Variants in ZFHX3 observed in about 807,000 individuals in gnomAD.
The protein encoded by ZFHX3 is zinc finger homeobox protein 3.
Under a neutral mutation model 279.1 loss-of-function variants are expected in ZFHX3, and 42 were observed. That is an observed-to-expected ratio of 0.15 (90% CI 0.12 to 0.19). The LOEUF (loss-of-function observed/expected upper bound fraction) is 0.19, where lower values mean the gene tolerates loss of function less well. Among genes scored for constraint, ZFHX3 ranks in the 10% least tolerant of loss-of-function variants. The probability of loss-of-function intolerance (pLI) is 1.00; values close to 1 mark genes in which losing one functional copy is unlikely to be tolerated. For missense variants in ZFHX3, 4,981 were observed against 4,754.0 expected (o/e 1.05, Z -1.40); for synonymous variants, 2,293 against 1,957.8 (o/e 1.17, Z -4.52).
chr16:73,323,368 T>C lies in ZFHX3; in HGVS notation c.-1290-5032A>G, dbSNP rs576999304. Among the ~76,000 whole-genome samples the C allele has an allele frequency of 2.6e-5, 4 of 152,042 alleles. No individual in the cohort carries two copies. In the South Asian group the frequency reaches 8.3e-4, roughly 32 times the overall value. On this transcript the variant is annotated intron_variant, in intron 3 of 17. Coordinates refer to the ZFHX3 transcript ENST00000641206. Reference sequence around the variant, plus strand: ...TTGGCAGGAAGGATGGTCTGATAAGTGGGAGGAAAACCAAGAAAGTATGGG... The same window carrying C: ...TTGGCAGGAAGGATGGTCTGATAAGCGGGAGGAAAACCAAGAAAGTATGGG...
chr16:72,920,603 G>A (rs534189619), intron 3 of ZFHX3, among the ~76,000 whole-genome samples: 1 of 152,164 alleles, frequency 6.6e-6, no homozygotes, highest in African/African-American at 2.4e-5. Flanking sequence ...CCAGGAGGTG[G>A]AGGTTGTAGT....
At chr16:73,478,395 C>G (rs537578994) in intron 2 of ZFHX3, among the ~76,000 whole-genome samples, 4 of 152,156 alleles carry the variant, frequency 2.6e-5, no homozygotes, top group Admixed American at 1.3e-4. Flanking sequence ...CAGGCTTCTT[C>G]CCTGCTAGTT....
intron 2 of ZFHX3, among the ~76,000 whole-genome samples, chr16:73,676,116 T>C (rs2052951788): frequency 6.6e-6 from 1 of 151,990 alleles, no homozygotes; most frequent in Non-Finnish European, 1.5e-5. Flanking sequence ...AAGAATCATA[T>C]CGAGAACAGT....
chr16:72,876,178 A>G (rs953090919), intron 4 of ZFHX3, among the ~76,000 whole-genome samples: 3 of 152,190 alleles, frequency 2.0e-5, no homozygotes, highest in Non-Finnish European at 4.4e-5. Context: ...CAAGTTTTCA[A>G]AATAACCGGG....
chr16:72,943,184 G>T (rs1960493308), intron 3 of ZFHX3, among the ~76,000 whole-genome samples: 1 of 152,160 alleles, frequency 6.6e-6, no homozygotes, highest in Non-Finnish European at 1.5e-5. Context: ...GGAAAATAAA[G>T]AGTCCTAAAT....
intron 1 of ZFHX3, among the ~76,000 whole-genome samples, chr16:73,782,115 G>T (rs6564566): frequency 0.049 from 7,405 of 152,268 alleles, 585 homozygotes; most frequent in African/African-American, 0.16. Flanking sequence ...ACTCTCTTTG[G>T]TCAGGAATGG....
chr16:73,463,807 G>A (rs891966742), intron 2 of ZFHX3, among the ~76,000 whole-genome samples: 4 of 152,190 alleles, frequency 2.6e-5, no homozygotes, highest in Admixed American at 2.0e-4. Flanking sequence ...CAGAAGGGGC[G>A]TTCGTTACAG....
At chr16:73,303,499 G>A (rs1381483104) in intron 4 of ZFHX3, among the ~76,000 whole-genome samples, 1 of 152,072 alleles carries the variant, frequency 6.6e-6, no homozygotes, top group African/African-American at 2.4e-5. Flanking sequence ...TAAGACACCT[G>A]GTTGGAGACT....
At chr16:73,346,852 G>A (rs1245186998) in intron 3 of ZFHX3, among the ~76,000 whole-genome samples, 1 of 152,150 alleles carries the variant, frequency 6.6e-6, no homozygotes, top group Non-Finnish European at 1.5e-5. Flanking sequence ...CAAGGAAGAG[G>A]AGACTTCTCT....
chr16:73,119,226 C>G (rs774098012), intron 7 of ZFHX3, among the ~76,000 whole-genome samples: 2 of 152,146 alleles, frequency 1.3e-5, no homozygotes, highest in Non-Finnish European at 2.9e-5. Flanking sequence ...GCCTCAGCCT[C>G]CTGAGTAGCT....
At chr16:73,814,106 A>T (rs1960497727) in intron 1 of ZFHX3, among the ~76,000 whole-genome samples, 1 of 152,236 alleles carries the variant, frequency 6.6e-6, no homozygotes, top group Non-Finnish European at 1.5e-5. Context: ...ATAATTGCAG[A>T]GAGAGCAGTG....
chr16:73,494,212 C>T (rs1047999007), intron 2 of ZFHX3, among the ~76,000 whole-genome samples: 4 of 152,084 alleles, frequency 2.6e-5, no homozygotes, highest in Non-Finnish European at 4.4e-5. Flanking sequence ...CCCTAAGTGG[C>T]GATTTGTGGT....
chr16:73,299,980 G>T (rs1449213468), intron 4 of ZFHX3, among the ~76,000 whole-genome samples: 3 of 152,168 alleles, frequency 2.0e-5, no homozygotes, highest in African/African-American at 7.2e-5. Context: ...TATTTTGACT[G>T]TGATGGATAG....
At chr16:73,835,001 TGAA>T (rs1189079813) in intron 1 of ZFHX3, among the ~76,000 whole-genome samples, 1 of 152,176 alleles carries the variant, frequency 6.6e-6, no homozygotes, top group African/African-American at 2.4e-5. Flanking sequence ...GGGAAGGACT[TGAA>T]GGAGGAGAGC....
intron 2 of ZFHX3, among the ~76,000 whole-genome samples, chr16:73,603,158 G>A (rs372939024): frequency 2.4e-4 from 36 of 151,632 alleles, no homozygotes; most frequent in Admixed American, 7.9e-4. Context: ...AGTGGCGGGC[G>A]TCTGTAGTCC....
At chr16:72,897,236 G>A (rs530319899) in intron 3 of ZFHX3, among the ~76,000 whole-genome samples, 1 of 152,204 alleles carries the variant, frequency 6.6e-6, no homozygotes, top group Non-Finnish European at 1.5e-5. Context: ...ACCACAGCAC[G>A]CAACAGCTTC....
At chr16:72,898,518 C>G (rs967586141) in intron 3 of ZFHX3, among the ~76,000 whole-genome samples, 1 of 152,126 alleles carries the variant, frequency 6.6e-6, no homozygotes, top group African/African-American at 2.4e-5. Context: ...AGGAAAATAA[C>G]TAAGTCTATA....
chr16:73,443,095 A>G (rs1201349347), intron 3 of ZFHX3, among the ~76,000 whole-genome samples: 1 of 152,182 alleles, frequency 6.6e-6, no homozygotes, highest in African/African-American at 2.4e-5. Flanking sequence ...AGGTATGGGG[A>G]TTAGAATTTC....
At chr16:73,042,830 G>A (rs1035877697) in intron 1 of ZFHX3, among the ~76,000 whole-genome samples, 1 of 152,028 alleles carries the variant, frequency 6.6e-6, no homozygotes, top group East Asian at 1.9e-4. Context: ...GACTGAAGGT[G>A]ATCCATACAT....
Sources: allele counts gnomAD v4.1 joint callset (sites outside exome capture counted in the v4.1 genomes callset), GRCh38; gene constraint gnomAD v4.1.1; transcripts MANE v1.5; gene names NCBI Gene and HGNC (gene_info 2026-07-23, HGNC 2026-07-21).